The following LIN54 variants were observed in gnomAD, a reference collection of about 807,000 sequenced individuals.
The protein encoded by LIN54 is lin-54 DREAM MuvB core complex component, also known as protein lin-54 homolog.
A neutral mutation model predicts 78.7 loss-of-function variants in LIN54; 9 were observed. That is an observed-to-expected ratio of 0.11 (90% CI 0.07 to 0.20). The LOEUF (loss-of-function observed/expected upper bound fraction) is 0.20. Among genes scored for constraint, LIN54 ranks in the 10% least tolerant of loss-of-function variants. The probability of loss-of-function intolerance (pLI) is 1.00; values close to 1 mark genes in which losing one functional copy is unlikely to be tolerated. For synonymous variants in LIN54, 269 were observed against 318.4 expected (o/e 0.84, Z 1.65); for missense variants, 573 against 889.9 (o/e 0.64, Z 4.53).
intron 1 of LIN54, among the ~76,000 whole-genome samples, chr4:82,987,902 G>A (rs1727315711): frequency 1.3e-5 from 2 of 152,212 alleles, no homozygotes; most frequent in African/African-American, 2.4e-5. Flanking sequence ...ACCCAGTAAT[G>A]GGACTGATGG....
intron 1 of LIN54, among the ~76,000 whole-genome samples, chr4:83,005,604 G>A (rs1288152881): frequency 5.5e-5 from 8 of 145,506 alleles, no homozygotes; most frequent in Non-Finnish European, 8.9e-5. Flanking sequence ...CAGCCTCAGC[G>A]ACAGAGCAAG....
In LIN54 at chr4:82,937,272, C is replaced by T. The variant is rs1722462170; in HGVS notation, c.1559G>A (p.Arg520Gln). 4.4e-6 allele frequency: 7 copies of T among 1,587,586 alleles called. No individual in the cohort carries two copies. Among genetic ancestry groups the T allele is most frequent in the Non-Finnish European group, 6.1e-6 (7 of 1,156,076 alleles). ...TGTACAATTACAGGGCTTTCGGGGC[C>T]GACTGGCCGACTCTGATGGGATTAT... ...NGIIPSESAS[R>Q]PRKPCNCTKS... Residue 520 changes from arginine to glutamine, a missense_variant, in exon 9 of 13, where the codon CGG (arginine) becomes CAG (glutamine). Transcript: ENST00000340417.
chr4:82,997,639 T>C (rs1303422252), intron 1 of LIN54, among the ~76,000 whole-genome samples: 2 of 152,002 alleles, frequency 1.3e-5, no homozygotes, highest in African/African-American at 4.8e-5. Flanking sequence ...TGGAAGGCTA[T>C]TGTAGTAATT....
At chr4:82,933,720 C>A (rs1028584710) in intron 11 of LIN54, among the ~76,000 whole-genome samples, 1 of 152,200 alleles carries the variant, frequency 6.6e-6, no homozygotes, top group Non-Finnish European at 1.5e-5. Flanking sequence ...TCTGTCCCGA[C>A]AAAATTTCAT....
At chr4:83,006,663 T>C (rs1056109729) in intron 1 of LIN54, among the ~76,000 whole-genome samples, 2 of 152,140 alleles carry the variant, frequency 1.3e-5, no homozygotes, top group Non-Finnish European at 2.9e-5. Context: ...TTCAAGTATA[T>C]AGTATTTAAA....
intron 3 of LIN54, among the ~76,000 whole-genome samples, chr4:82,971,836 G>A (rs1012874258): frequency 2.0e-5 from 3 of 152,120 alleles, no homozygotes; most frequent in Non-Finnish European, 1.5e-5. Context: ...CATCTAAGAA[G>A]TAGAGAAGAT....
intron 1 of LIN54, among the ~76,000 whole-genome samples, chr4:82,997,893 C>T (rs955651206): frequency 6.0e-5 from 9 of 151,048 alleles, no homozygotes; most frequent in African/African-American, 1.9e-4. Flanking sequence ...ACTTGAGAGG[C>T]TGAGGCAGGA....
intron 5 of LIN54, among the ~76,000 whole-genome samples, chr4:82,940,694 C>T (rs1050463837): frequency 3.3e-5 from 5 of 152,236 alleles, no homozygotes; most frequent in Non-Finnish European, 7.3e-5. Flanking sequence ...AGCCACTGTG[C>T]CCAGCCAGTG....
At chr4:82,994,313 T>C (rs1399134108) in intron 1 of LIN54, among the ~76,000 whole-genome samples, 1 of 152,144 alleles carries the variant, frequency 6.6e-6, no homozygotes, top group Admixed American at 6.6e-5. Flanking sequence ...TAATACTCTT[T>C]AACATTCTCA....
intron 3 of LIN54, among the ~76,000 whole-genome samples, chr4:82,977,590 T>C (rs368667286): frequency 2.0e-5 from 3 of 152,110 alleles, no homozygotes; most frequent in Non-Finnish European, 4.4e-5. Flanking sequence ...CTCAGGAAAA[T>C]GACAAGTCAC....
At chr4:82,973,529 CA>C (rs1329070034) in intron 3 of LIN54, among the ~76,000 whole-genome samples, 1 of 152,100 alleles carries the variant, frequency 6.6e-6, no homozygotes, top group East Asian at 1.9e-4. Context: ...CTCCAAGAAT[CA>C]AAAGAGACAC....
chr4:82,927,727 C>T lies in LIN54; in HGVS notation c.*375G>A, dbSNP rs1436192304. ...TAGATCAAGTCCCAAAGAATGGGTG[C>T]TAACCACTGCTGCTTTGGCTTTTCT... On this transcript the variant is annotated 3_prime_UTR_variant, in exon 13 of 13. Coordinates refer to ENST00000340417, the MANE Select transcript of LIN54 (RefSeq NM_194282.4). 1 of 175,034 alleles carries T rather than the reference C, an allele frequency of 5.7e-6. No homozygotes were observed. The highest frequency in any genetic ancestry group is 5.6e-5 in the Admixed American group (1 of 17,762). 10.8% of individuals were successfully genotyped at this position (175,034 alleles called of 1,614,324 possible).
At chr4:83,008,101 A>G (rs771011062) in intron 1 of LIN54, among the ~76,000 whole-genome samples, 6 of 152,100 alleles carry the variant, frequency 3.9e-5, no homozygotes, top group Non-Finnish European at 8.8e-5. Context: ...AATGCATTCT[A>G]CATAAAAGCT....
chr4:82,957,351 C>T (rs1457574896), intron 4 of LIN54, among the ~76,000 whole-genome samples: 1 of 152,222 alleles, frequency 6.6e-6, no homozygotes, highest in Non-Finnish European at 1.5e-5. Context: ...ATCCACCACA[C>T]AGACATTGCC....
chr4:83,004,585 G>C (rs933617791), intron 1 of LIN54, among the ~76,000 whole-genome samples: 2 of 152,030 alleles, frequency 1.3e-5, no homozygotes, highest in Non-Finnish European at 2.9e-5. Context: ...GGACACCTGG[G>C]CTCAAGTGAT....
At chr4:82,961,377 A>G (rs1724779957) in intron 4 of LIN54, among the ~76,000 whole-genome samples, 1 of 152,182 alleles carries the variant, frequency 6.6e-6, no homozygotes. Context: ...GAAGTAAAAA[A>G]TTTTTACTTA....
chr4:82,997,316 A>G (rs768611359), intron 1 of LIN54, among the ~76,000 whole-genome samples: 1 of 152,142 alleles, frequency 6.6e-6, no homozygotes, highest in East Asian at 1.9e-4. Flanking sequence ...CATAAGGTAC[A>G]CTAACAAACT....
chr4:82,928,061 A>C lies in LIN54; in HGVS notation c.*41T>G. 6.4e-7 allele frequency: 1 copy of C among 1,568,894 alleles called. No individual in the cohort carries two copies. The highest frequency in any genetic ancestry group is 8.8e-7 in the Non-Finnish European group (1 of 1,139,014). ...AAAATCAAGTGTCCCTGCACCTTAA[A>C]TTTTCTGTACAGTTCCATTTATCAG... On this transcript the variant is annotated 3_prime_UTR_variant, in exon 13 of 13. Coordinates refer to ENST00000340417, the MANE Select transcript of LIN54 (RefSeq NM_194282.4).
chr4:82,974,887 A>C (rs1726033957), intron 3 of LIN54, among the ~76,000 whole-genome samples: 1 of 151,206 alleles, frequency 6.6e-6, no homozygotes, highest in East Asian at 1.9e-4. Context: ...AAACGTAGAT[A>C]CAAAAGTGGG....
Sources: gnomAD v4.1 joint callset for allele counts (sites outside exome capture counted in the v4.1 genomes callset) on GRCh38, gnomAD v4.1.1 for gene constraint, MANE v1.5 for transcripts, NCBI Gene and HGNC (gene_info 2026-07-23, HGNC 2026-07-21) for gene names.